DPP6: variants seen among roughly 807,000 people sequenced by gnomAD.
The protein encoded by DPP6 is dipeptidyl peptidase like 6.
DPP6 carries 69 observed loss-of-function variants against 122.6 expected under a neutral mutation model. That is an observed-to-expected ratio of 0.56 (90% CI 0.46 to 0.69). The LOEUF (loss-of-function observed/expected upper bound fraction) is 0.69, where lower values mean the gene tolerates loss of function less well. Ranked by LOEUF, DPP6 falls within the 30% of genes least tolerant of loss-of-function variation. The pLI is 0.00. For missense variants in DPP6, 928 were observed against 1,116.9 expected (o/e 0.83, Z 2.41); for synonymous variants, 418 against 433.1 (o/e 0.97, Z 0.43).
At chr7:154,527,474 T>C (rs1827496532) in intron 3 of DPP6, among the ~76,000 whole-genome samples, 1 of 152,228 alleles carries the variant, frequency 6.6e-6, no homozygotes, top group Non-Finnish European at 1.5e-5. Flanking sequence ...TGTCTTAAGA[T>C]ATGTGTATGT....
At chr7:154,499,223 G>C (rs1179159498) in intron 3 of DPP6, among the ~76,000 whole-genome samples, 2 of 152,166 alleles carry the variant, frequency 1.3e-5, no homozygotes, top group Non-Finnish European at 2.9e-5. Context: ...GAGAAGAAAG[G>C]AGTAAAACAG....
At chr7:154,545,264 G>A (rs1829075925) in intron 4 of DPP6, among the ~76,000 whole-genome samples, 2 of 151,982 alleles carry the variant, frequency 1.3e-5, no homozygotes, top group Admixed American at 6.6e-5. Context: ...AATGGCCTTT[G>A]TTCTATTATG....
chr7:154,564,419 G>C (rs1830612298), intron 4 of DPP6, among the ~76,000 whole-genome samples: 1 of 152,164 alleles, frequency 6.6e-6, no homozygotes, highest in African/African-American at 2.4e-5. Flanking sequence ...CTACAGGAGG[G>C]TCAAAATTGG....
chr7:153,956,210 C>T (rs915745728), intron 1 of DPP6, among the ~76,000 whole-genome samples: 1 of 152,060 alleles, frequency 6.6e-6, no homozygotes, highest in Non-Finnish European at 1.5e-5. Context: ...CAGGTGGGGG[C>T]TGGTCCAGTC....
At chr7:153,995,461 C>T (rs529341549) in intron 1 of DPP6, among the ~76,000 whole-genome samples, 27 of 152,006 alleles carry the variant, frequency 1.8e-4, no homozygotes, top group African/African-American at 6.0e-4. Flanking sequence ...TGGCGGATGC[C>T]TGTAGTCTCA....
At chr7:154,504,195 G>A (rs1463806875) in intron 3 of DPP6, among the ~76,000 whole-genome samples, 1 of 82,580 alleles carries the variant, frequency 1.2e-5, no homozygotes, top group Non-Finnish European at 2.9e-5. Flanking sequence ...TGCAATAACA[G>A]GTGCTATTTT....
intron 1 of DPP6, among the ~76,000 whole-genome samples, chr7:154,210,446 C>T (rs1302349151): frequency 1.3e-5 from 2 of 152,080 alleles, no homozygotes; most frequent in Non-Finnish European, 2.9e-5. Context: ...TAACTTCTGG[C>T]AAAATTTAAA....
At chr7:154,470,308 A>G (rs1363178147) in intron 2 of DPP6, among the ~76,000 whole-genome samples, 1 of 152,196 alleles carries the variant, frequency 6.6e-6, no homozygotes, top group African/African-American at 2.4e-5. Flanking sequence ...GGGGATCAGG[A>G]GAGATAATAA....
At chr7:154,741,665 A>G (rs944350334) in intron 8 of DPP6, among the ~76,000 whole-genome samples, 1 of 152,198 alleles carries the variant, frequency 6.6e-6, no homozygotes, top group Non-Finnish European at 1.5e-5. Flanking sequence ...TGTAGGTGTC[A>G]CTTTGTGGAG....
Position 154,769,605 on chromosome 7 carries a change from A to G in DPP6, c.1038+34A>G, listed in dbSNP as rs369633299. The stretch of plus-strand genomic sequence containing the variant: ...AGGGACACCGCACAGCAAATTCTTT[A>G]TATTATTCATGAACACCCCAACCCT... On this transcript the variant is annotated intron_variant, in intron 9 of 25. Transcript: ENST00000377770. 5 of 1,529,062 alleles carry G rather than the reference A, an allele frequency of 3.3e-6. No homozygotes were observed. In the South Asian group the frequency reaches 3.8e-5, roughly 11 times the overall value. 94.7% of individuals were successfully genotyped at this position (1,529,062 alleles called of 1,614,324 possible).
Position 154,282,177 on chromosome 7 carries a change from TC to T in DPP6, c.244-164033del, listed in dbSNP as rs1222366199. On this transcript the variant is annotated intron_variant, in intron 1 of 25. Transcript: ENST00000377770. The surrounding 1 kb of genome is among the most constrained non-coding windows in gnomAD (Gnocchi z 4.8). ...AACCATCTATAATTTTATTCTTTTT[TC>T]CCCTCCCTATTCCATTCTCTCTGTG... is the stretch of plus-strand genomic sequence containing the variant. Among the ~76,000 whole-genome samples the T allele has an allele frequency of 6.6e-6, 1 of 151,970 alleles. No homozygotes were observed. Among genetic ancestry groups the T allele is most frequent in the Non-Finnish European group, 1.5e-5 (1 of 67,980 alleles).
chr7:154,868,241 G>A, intron 18 of DPP6, 148 bp downstream of exon 18: 1 of 1,141,136 alleles, frequency 8.8e-7, no homozygotes, highest in Admixed American at 2.9e-5. Flanking sequence ...CTGGCATGGA[G>A]TGTCTTGTGT....
At chr7:154,471,324 T>C (rs1340688156) in intron 2 of DPP6, among the ~76,000 whole-genome samples, 1 of 152,036 alleles carries the variant, frequency 6.6e-6, no homozygotes, top group Admixed American at 6.6e-5. Flanking sequence ...ATACCTGGAT[T>C]GAAAGGGAAG....
chr7:153,894,947 G>A (rs1453123627), intron 1 of DPP6, among the ~76,000 whole-genome samples: 1 of 152,152 alleles, frequency 6.6e-6, no homozygotes, highest in Non-Finnish European at 1.5e-5. Flanking sequence ...TACATGGAAA[G>A]ATGGGCAGAG....
At chr7:154,692,413 C>T (rs1369415306) in intron 7 of DPP6, among the ~76,000 whole-genome samples, 1 of 152,164 alleles carries the variant, frequency 6.6e-6, no homozygotes, top group Non-Finnish European at 1.5e-5. Flanking sequence ...CAGAGTAGGC[C>T]TCAATCAATA....
intron 1 of DPP6, among the ~76,000 whole-genome samples, chr7:154,233,779 G>T (rs1801044056): frequency 6.6e-6 from 1 of 152,210 alleles, no homozygotes; most frequent in South Asian, 2.1e-4. Flanking sequence ...TAACTTTTCT[G>T]TTGTTTAAGC....
chr7:154,668,212 T>TAAA lies in DPP6; in HGVS notation c.681-1147_681-1146insAAA, dbSNP rs1030855431. On this transcript the variant is annotated intron_variant, in intron 6 of 25. Coordinates refer to ENST00000377770, the MANE Select transcript of DPP6 (RefSeq NM_130797.4). The stretch of plus-strand genomic sequence containing the variant: ...TGTGTATATTTTATATATATATATA[T>TAAA]ATATATAATATACACATTTTTTTTT... Among the ~76,000 whole-genome samples the TAAA allele has an allele frequency of 1.9e-5, 2 of 104,870 alleles. 1 individual carries two copies. Among genetic ancestry groups the TAAA allele is most frequent in the African/African-American group, 6.2e-5 (2 of 32,160 alleles). 68.8% of individuals were successfully genotyped at this position (104,870 alleles called of 152,430 possible).
chr7:154,698,750 G>A (rs1291911860), intron 7 of DPP6, among the ~76,000 whole-genome samples: 2 of 152,162 alleles, frequency 1.3e-5, no homozygotes, highest in South Asian at 2.1e-4. Flanking sequence ...GAAAGACAGC[G>A]GAAATCGGAA....
intron 1 of DPP6, among the ~76,000 whole-genome samples, chr7:154,155,530 CTG>C (rs765359066): frequency 6.6e-6 from 1 of 152,172 alleles, no homozygotes; most frequent in Non-Finnish European, 1.5e-5. Context: ...GAGTGAGTAA[CTG>C]TGTGTCCAGA....
Sources: allele counts gnomAD v4.1 joint callset (sites outside exome capture counted in the v4.1 genomes callset), GRCh38; gene constraint gnomAD v4.1.1; non-coding constraint Gnocchi (gnomAD v3.1); transcripts MANE v1.5; gene names NCBI Gene and HGNC (gene_info 2026-07-23, HGNC 2026-07-21).